The following RALGPS1 variants were observed in gnomAD, a reference collection of about 807,000 sequenced individuals.
The protein encoded by RALGPS1 is Ral GEF with PH domain and SH3 binding motif 1, also known as ras-specific guanine nucleotide-releasing factor RalGPS1.
RALGPS1 carries 19 observed loss-of-function variants against 78.8 expected under a neutral mutation model. The observed-to-expected ratio is 0.24, with a 90% CI of 0.17 to 0.35. RALGPS1 has a LOEUF of 0.35. Ranked by LOEUF, RALGPS1 falls within the 10% of genes least tolerant of loss-of-function variation. RALGPS1 has a pLI of 1.00. For missense variants in RALGPS1, 454 were observed against 688.3 expected, an observed-to-expected ratio of 0.66 and a Z score of 3.81; for synonymous variants, 228 against 256.3, an observed-to-expected ratio of 0.89 and a Z score of 1.06.
Position 127,093,865 on chromosome 9 carries a change from C to G in RALGPS1, c.610+24509C>G, listed in dbSNP as rs139697219. The G allele has an allele frequency of 2.5e-3, 4,030 of 1,614,094 alleles. 8 individuals are homozygous for G. The highest frequency in any genetic ancestry group is 3.1e-3 in the Admixed American group (189 of 60,012). On this transcript the variant is annotated intron_variant, in intron 8 of 18. Coordinates refer to ENST00000259351, the MANE Select transcript of RALGPS1 (RefSeq NM_014636.3). ...GGCGGTTGGTGTTCTCCGGCTTCAC[C>G]AGGTAGATGGAGCTGGTGTCGTGGC... is the stretch of plus-strand genomic sequence containing the variant.
chr9:127,113,698 G>A (rs988061515), intron 8 of RALGPS1, among the ~76,000 whole-genome samples: 1 of 152,154 alleles, frequency 6.6e-6, no homozygotes, highest in Non-Finnish European at 1.5e-5. Context: ...TTTCCATCAC[G>A]CATGGGTTTT....
chr9:127,060,735 G>A (rs2049140483), intron 7 of RALGPS1, among the ~76,000 whole-genome samples: 1 of 152,058 alleles, frequency 6.6e-6, no homozygotes, highest in African/African-American at 2.4e-5. Context: ...ATACCTTCAA[G>A]GTTTTCACAT....
At chr9:127,161,318 A>G (rs371452696) in intron 8 of RALGPS1, among the ~76,000 whole-genome samples, 33 of 152,276 alleles carry the variant, frequency 2.2e-4, no homozygotes, top group African/African-American at 2.9e-4. Context: ...ATGCACTTCA[A>G]TGGTCCAGGC....
intron 4 of RALGPS1, among the ~76,000 whole-genome samples, chr9:126,990,508 C>T (rs147097872): frequency 1.8e-4 from 28 of 152,334 alleles, no homozygotes; most frequent in Middle Eastern, 3.4e-3. Context: ...GCAGACCTCC[C>T]GACTCTCTCC....
rs1056181419 is a variant in RALGPS1, at chr9:127,211,117, G to A, written c.1248-1014G>A. On this transcript the variant is annotated intron_variant, in intron 14 of 18. Transcript: ENST00000259351. The surrounding 1 kb of genome is among the most constrained non-coding windows in gnomAD (Gnocchi z 5.0). Reference sequence around the variant, plus strand: ...AGGCAGGAAGAGCTGGGTGATTCGAGTGAAGGGAAGGGAGTGTTGGAAGGA... The same window carrying A: ...AGGCAGGAAGAGCTGGGTGATTCGAATGAAGGGAAGGGAGTGTTGGAAGGA... Among the ~76,000 whole-genome samples the A allele has an allele frequency of 6.6e-6, 1 of 152,264 alleles. No homozygotes were observed. Among genetic ancestry groups the A allele is most frequent in the Admixed American group, 6.5e-5 (1 of 15,292 alleles).
At chr9:127,089,258 A>G (rs1396149477) in intron 8 of RALGPS1, 17 of 1,042,728 alleles carry the variant, frequency 1.6e-5, no homozygotes, top group Non-Finnish European at 2.4e-5. Context: ...AACGCTTGAA[A>G]GGTGGACCCG....
Position 127,221,184 on chromosome 9 carries a change from T to C in RALGPS1, c.*2415T>C, listed in dbSNP as rs758642548. 3 of 152,198 alleles carry C rather than the reference T, an allele frequency of 2.0e-5. No individual in the cohort carries two copies. Among genetic ancestry groups the C allele is most frequent in the Non-Finnish European group, 2.9e-5 (2 of 68,034 alleles). 9.4% of individuals were successfully genotyped at this position (152,198 alleles called of 1,614,324 possible). A position where few individuals can be genotyped will look rare whatever the true frequency, so the allele number is the denominator to read the frequency against. ...AGTTAAGTGCTGCTTGTCTTCCCAG[T>C]GTTGGTTTGAACCCTGTGAGCCTGA... On this transcript the variant is annotated 3_prime_UTR_variant, in exon 19 of 19. Coordinates refer to ENST00000259351, the MANE Select transcript of RALGPS1 (RefSeq NM_014636.3).
intron 14 of RALGPS1, among the ~76,000 whole-genome samples, chr9:127,203,779 G>C (rs1484213455): frequency 6.6e-6 from 1 of 152,220 alleles, no homozygotes; most frequent in Non-Finnish European, 1.5e-5. Context: ...GTGGCTTCTG[G>C]AGGAGGGGAT....
intron 8 of RALGPS1, among the ~76,000 whole-genome samples, chr9:127,146,930 T>G (rs1352331807): frequency 1.3e-5 from 2 of 152,240 alleles, no homozygotes; most frequent in Non-Finnish European, 2.9e-5. Context: ...GTAGCTCTAT[T>G]TTAAGTTCTT....
At chr9:127,003,778 T>C (rs1360100530) in intron 4 of RALGPS1, among the ~76,000 whole-genome samples, 1 of 152,192 alleles carries the variant, frequency 6.6e-6, no homozygotes, top group African/African-American at 2.4e-5. Context: ...ACATAGGTAA[T>C]GTGTGCCATG....
chr9:127,008,490 AC>A (rs138891693), intron 4 of RALGPS1, among the ~76,000 whole-genome samples: 57,168 of 151,900 alleles, frequency 0.38, 12,588 homozygotes, highest in Non-Finnish European at 0.48. Context: ...GGGAAACAAA[AC>A]CGTCAGTAGA....
At chr9:127,105,614 C>T (rs189905116) in intron 8 of RALGPS1, among the ~76,000 whole-genome samples, 30 of 152,332 alleles carry the variant, frequency 2.0e-4, no homozygotes, top group Admixed American at 1.1e-3. Context: ...GCACTTAGCA[C>T]ACCAGGGTAT....
chr9:126,929,496 G>GCC (rs1320465653), intron 1 of RALGPS1, among the ~76,000 whole-genome samples: 27 of 152,178 alleles, frequency 1.8e-4, no homozygotes, highest in Non-Finnish European at 3.1e-4. Flanking sequence ...TTGTTGACCA[G>GCC]GCTGGAGTGC....
At chr9:126,951,639 C>T (rs942905458) in intron 1 of RALGPS1, among the ~76,000 whole-genome samples, 1 of 152,058 alleles carries the variant, frequency 6.6e-6, no homozygotes, top group Admixed American at 6.6e-5. Flanking sequence ...TAAAAACTCT[C>T]AATAAATTAG....
intron 4 of RALGPS1, among the ~76,000 whole-genome samples, chr9:126,982,966 C>G (rs1370014572): frequency 4.0e-5 from 3 of 74,128 alleles, no homozygotes; most frequent in Admixed American, 2.2e-4. Context: ...GGTGGAGTTT[C>G]GCTCTTGTTG....
At chr9:127,019,048 T>G (rs1047689765) in intron 4 of RALGPS1, among the ~76,000 whole-genome samples, 1 of 152,104 alleles carries the variant, frequency 6.6e-6, no homozygotes, top group African/African-American at 2.4e-5. Flanking sequence ...ATTTGAGAAT[T>G]TAAAATGTGT....
chr9:127,178,365 C>T (rs554220486), intron 11 of RALGPS1: 7 of 713,498 alleles, frequency 9.8e-6, no homozygotes, highest in African/African-American at 3.7e-5. Context: ...ACAGACTACT[C>T]AGCATACTGC....
At chr9:127,085,445 C>A (rs775487036) in intron 8 of RALGPS1, among the ~76,000 whole-genome samples, 19 of 152,202 alleles carry the variant, frequency 1.2e-4, no homozygotes, top group Non-Finnish European at 2.8e-4. Flanking sequence ...TAGAGCAGTT[C>A]ACTGGGTACC....
chr9:127,166,580 C>G (rs2059303080), intron 9 of RALGPS1, among the ~76,000 whole-genome samples: 15 of 152,160 alleles, frequency 9.9e-5, no homozygotes, highest in Admixed American at 9.8e-4. Context: ...TTCTGTGACT[C>G]TGCTGTCTCC....
Sources: allele counts gnomAD v4.1 joint callset (sites outside exome capture counted in the v4.1 genomes callset), GRCh38; gene constraint gnomAD v4.1.1; non-coding constraint Gnocchi (gnomAD v3.1); transcripts MANE v1.5; gene names NCBI Gene and HGNC (gene_info 2026-07-23, HGNC 2026-07-21).